The following ARHGAP15 variants were observed in gnomAD, a reference collection of about 807,000 sequenced individuals.
The protein encoded by ARHGAP15 is rho GTPase-activating protein 15.
In ARHGAP15, 51 loss-of-function variants were observed where a neutral mutation model predicts 63.7. That is an observed-to-expected ratio of 0.80 (90% CI 0.64 to 1.01). ARHGAP15 has a LOEUF of 1.01. ARHGAP15 is among the 50% of genes least tolerant of loss of function. The pLI is 0.00. For missense variants in ARHGAP15, 560 were observed against 564.6 expected (o/e 0.99, Z 0.08); for synonymous variants, 191 against 193.8 (o/e 0.99, Z 0.12).
intron 2 of ARHGAP15, among the ~76,000 whole-genome samples, chr2:143,158,399 A>G (rs1289319642): frequency 6.6e-6 from 1 of 151,954 alleles, no homozygotes; most frequent in East Asian, 1.9e-4. Context: ...AGGTGAATTT[A>G]CTTGCTAAGT....
chr2:143,621,575 T>A (rs10469561), intron 11 of ARHGAP15, among the ~76,000 whole-genome samples: 2,590 of 152,304 alleles, frequency 0.017, 83 homozygotes, highest in African/African-American at 0.06. Flanking sequence ...TCTTTCCAAC[T>A]ATTTGCCATA....
chr2:143,371,676 T>G (rs575166124), intron 6 of ARHGAP15, among the ~76,000 whole-genome samples: 1 of 152,338 alleles, frequency 6.6e-6, no homozygotes, highest in East Asian at 1.9e-4. Context: ...TCCCCTGTTT[T>G]GGAAAATTTC....
intron 13 of ARHGAP15, among the ~76,000 whole-genome samples, chr2:143,728,821 G>A (rs780579125): frequency 8.5e-5 from 13 of 152,172 alleles, no homozygotes; most frequent in South Asian, 6.2e-4. Flanking sequence ...CAGATAATGC[G>A]TGAGCTACCA....
chr2:143,690,191 C>G (rs1246748114), intron 12 of ARHGAP15, among the ~76,000 whole-genome samples: 1 of 152,110 alleles, frequency 6.6e-6, no homozygotes, highest in Non-Finnish European at 1.5e-5. Context: ...CAATTAAGAC[C>G]AACATGTCTT....
chr2:143,319,751 T>C (rs1462152171), intron 6 of ARHGAP15, among the ~76,000 whole-genome samples: 2 of 152,224 alleles, frequency 1.3e-5, no homozygotes, highest in African/African-American at 4.8e-5. Flanking sequence ...CTCATCTTTA[T>C]AGGGCCTTTT....
chr2:143,191,444 G>A (rs1027789230), intron 2 of ARHGAP15, among the ~76,000 whole-genome samples: 2 of 152,196 alleles, frequency 1.3e-5, no homozygotes, highest in African/African-American at 4.8e-5. Context: ...CATGTATAAA[G>A]AGGTACAATA....
chr2:143,644,945 G>C (rs1234145749), intron 12 of ARHGAP15, among the ~76,000 whole-genome samples: 1 of 152,036 alleles, frequency 6.6e-6, no homozygotes. Context: ...AGAAAGTATA[G>C]AAAACTGTAT....
intron 6 of ARHGAP15, among the ~76,000 whole-genome samples, chr2:143,356,883 A>G (rs772362552): frequency 3.3e-5 from 5 of 152,154 alleles, no homozygotes; most frequent in Non-Finnish European, 7.4e-5. Flanking sequence ...TTAGTTAGAA[A>G]TGCTAGGATT....
chr2:143,301,965 T>C (rs1044276093), intron 6 of ARHGAP15, among the ~76,000 whole-genome samples: 1 of 151,892 alleles, frequency 6.6e-6, no homozygotes, highest in African/African-American at 2.4e-5. Flanking sequence ...GTTAATCTAA[T>C]CAAGCAACAA....
chr2:143,677,608 A>C (rs1335404733), intron 12 of ARHGAP15, among the ~76,000 whole-genome samples: 3 of 152,168 alleles, frequency 2.0e-5, no homozygotes, highest in African/African-American at 7.2e-5. Context: ...ACTTGTTGAA[A>C]GTTTTAAATA....
intron 12 of ARHGAP15, among the ~76,000 whole-genome samples, chr2:143,656,415 A>G (rs1016795620): frequency 1.3e-5 from 2 of 152,182 alleles, no homozygotes; most frequent in Non-Finnish European, 2.9e-5. Flanking sequence ...AGGCTAGTCA[A>G]TTACTTGTGC....
At chr2:143,762,540 G>A (rs1333108741) in intron 13 of ARHGAP15, among the ~76,000 whole-genome samples, 1 of 152,098 alleles carries the variant, frequency 6.6e-6, no homozygotes, top group African/African-American at 2.4e-5. Flanking sequence ...TGGCATAGGA[G>A]GATAAAATTC....
At chr2:143,592,764 T>C (rs1024175045) in intron 11 of ARHGAP15, among the ~76,000 whole-genome samples, 4 of 152,192 alleles carry the variant, frequency 2.6e-5, no homozygotes, top group Non-Finnish European at 2.9e-5. Context: ...AATATAGAAA[T>C]GTGAGTGTCA....
intron 13 of ARHGAP15, among the ~76,000 whole-genome samples, chr2:143,723,732 T>A (rs1685162745): frequency 6.6e-6 from 1 of 152,232 alleles, no homozygotes; most frequent in Non-Finnish European, 1.5e-5. Flanking sequence ...GGGAGTCAGT[T>A]ACAGCCTTTT....
At chr2:143,385,729 G>A (rs180977954) in intron 6 of ARHGAP15, among the ~76,000 whole-genome samples, 204 of 152,052 alleles carry the variant, frequency 1.3e-3, no homozygotes, top group African/African-American at 4.7e-3. Flanking sequence ...ATTGTTCTCC[G>A]AAACTAAAGC....
chr2:143,744,965 C>A (rs1034762181), intron 13 of ARHGAP15, among the ~76,000 whole-genome samples: 1 of 152,190 alleles, frequency 6.6e-6, no homozygotes, highest in African/African-American at 2.4e-5. Flanking sequence ...CAAGACATAT[C>A]CCATTTACAT....
chr2:143,584,627 A>C (rs991558805), intron 11 of ARHGAP15, among the ~76,000 whole-genome samples: 6 of 152,006 alleles, frequency 3.9e-5, no homozygotes, highest in Non-Finnish European at 8.8e-5. Context: ...CTCTGTCAAA[A>C]AACAACAACA....
At chr2:143,217,426 A>G (rs1359921318) in intron 4 of ARHGAP15, among the ~76,000 whole-genome samples, 1 of 152,170 alleles carries the variant, frequency 6.6e-6, no homozygotes, top group African/African-American at 2.4e-5. Context: ...TTTTCTCTCC[A>G]TATTGTGTCT....
chr2:143,492,280 C>G (rs913356879), intron 9 of ARHGAP15, among the ~76,000 whole-genome samples: 2 of 152,132 alleles, frequency 1.3e-5, no homozygotes, highest in African/African-American at 4.8e-5. Context: ...GCCTACATCT[C>G]TACTTAAGTT....
Sources: allele counts gnomAD v4.1 joint callset (sites outside exome capture counted in the v4.1 genomes callset), GRCh38; gene constraint gnomAD v4.1.1; transcripts MANE v1.5; gene names NCBI Gene and HGNC (gene_info 2026-07-23, HGNC 2026-07-21).